Variants in DNAH7 observed in about 807,000 individuals in gnomAD.
DNAH7 encodes the protein axonemal beta dynein heavy chain 7.
Under a neutral mutation model 444.6 loss-of-function variants are expected in DNAH7, and 397 were observed. That is an observed-to-expected ratio of 0.89 (90% CI 0.82 to 0.97). The LOEUF is 0.97. Ranked by LOEUF, DNAH7 falls within the 50% of genes least tolerant of loss-of-function variation. The pLI, the probability that DNAH7 is intolerant of heterozygous loss-of-function variation, is 0.00. For synonymous variants in DNAH7, 1,636 were observed against 1,624.4 expected (o/e 1.01, Z -0.17); for missense variants, 4,902 against 4,800.8 (o/e 1.02, Z -0.62).
At chr2:195,976,659 T>C (rs2125591659) in intron 15 of DNAH7, among the ~76,000 whole-genome samples, 1 of 151,712 alleles carries the variant, frequency 6.6e-6, no homozygotes, top group African/African-American at 2.4e-5. Flanking sequence ...CCAAGCACAG[T>C]CCCAGTGGTG....
intron 42 of DNAH7, 54 bp from the exon 43 acceptor site, chr2:195,858,858 A>G: frequency 6.9e-7 from 1 of 1,457,726 alleles, no homozygotes; most frequent in Non-Finnish European, 9.2e-7. Context: ...ATCCTACATG[A>G]AGGAAAAACT....
chr2:195,886,400 C>T (rs562898044), intron 33 of DNAH7, 128 bp from the exon 34 acceptor site: 165 of 761,038 alleles, frequency 2.2e-4, no homozygotes, highest in Admixed American at 2.9e-4. Flanking sequence ...ATACTACCTA[C>T]GAGTAGGTAC....
chr2:195,990,788 T>C (rs1259875453), intron 12 of DNAH7, among the ~76,000 whole-genome samples: 2 of 143,736 alleles, frequency 1.4e-5, no homozygotes, highest in Non-Finnish European at 3.0e-5. Context: ...TGTGTGTGTG[T>C]GTGTGTGTGT....
intron 59 of DNAH7, among the ~76,000 whole-genome samples, chr2:195,777,532 CCAAAGGACTGAGTTTAT>C (rs1695116983): frequency 6.6e-6 from 1 of 152,014 alleles, no homozygotes; most frequent in African/African-American, 2.4e-5. Context: ...GTCTTTTTAG[CCAAAGGACTGAGTTTAT>C]GATGACAGAA....
At chr2:195,976,756 AGAGAGAGAGAGAGAG>A (rs1692225636) in intron 15 of DNAH7, among the ~76,000 whole-genome samples, 1 of 136,142 alleles carries the variant, frequency 7.3e-6, no homozygotes, top group African/African-American at 2.6e-5. Context: ...ACAGAGAGAG[AGAGAGAGAGAGAGAG>A]AGAGAGAGAG....
intron 61 of DNAH7, among the ~76,000 whole-genome samples, chr2:195,771,179 A>G (rs1257346075): frequency 2.0e-5 from 3 of 151,944 alleles, no homozygotes; most frequent in Non-Finnish European, 4.4e-5. Flanking sequence ...AAATAAAATA[A>G]AATAGAATAA....
chr2:196,015,357 T>C (rs1321901284), intron 9 of DNAH7, among the ~76,000 whole-genome samples: 1 of 152,202 alleles, frequency 6.6e-6, no homozygotes, highest in Non-Finnish European at 1.5e-5. Context: ...AATTATAGTG[T>C]TCTTATCTAG....
At chr2:195,809,922 T>G in intron 51 of DNAH7, 51 bp from the exon 52 acceptor site, 3 of 1,362,638 alleles carry the variant, frequency 2.2e-6, no homozygotes, top group Non-Finnish European at 1.9e-6. Flanking sequence ...ACTTTAAAGA[T>G]AATGCTCTTA....
intron 19 of DNAH7, among the ~76,000 whole-genome samples, chr2:195,938,239 G>A (rs566607668): frequency 6.6e-6 from 1 of 151,670 alleles, no homozygotes; most frequent in Non-Finnish European, 1.5e-5. Flanking sequence ...AATAAAACAT[G>A]AATATATAAA....
intron 57 of DNAH7, among the ~76,000 whole-genome samples, chr2:195,793,055 G>C (rs1029360270): frequency 1.3e-5 from 2 of 151,952 alleles, no homozygotes; most frequent in East Asian, 3.9e-4. Context: ...TCAGCCTCTC[G>C]AGTAGCTGGG....
chr2:195,902,096 C>A (rs1686746374), intron 27 of DNAH7: 1 of 152,072 alleles, frequency 6.6e-6, no homozygotes, highest in Non-Finnish European at 1.5e-5. Flanking sequence ...TTCATAAGTA[C>A]ATTCTGGGAA....
At chr2:195,915,454 T>C (rs973801973) in intron 24 of DNAH7, among the ~76,000 whole-genome samples, 2 of 152,170 alleles carry the variant, frequency 1.3e-5, no homozygotes, top group Admixed American at 6.5e-5. Flanking sequence ...ACAGATTATA[T>C]TGCACCTCAT....
chr2:196,010,780 T>C (rs1345586517), intron 10 of DNAH7, among the ~76,000 whole-genome samples: 2 of 152,152 alleles, frequency 1.3e-5, no homozygotes, highest in Admixed American at 6.6e-5. Context: ...ATATAGTATA[T>C]AAAATGTAGT....
intron 9 of DNAH7, among the ~76,000 whole-genome samples, chr2:196,018,723 TAGAC>T (rs1321162918): frequency 2.0e-5 from 3 of 152,096 alleles, no homozygotes; most frequent in Non-Finnish European, 4.4e-5. Flanking sequence ...AATATATAGT[TAGAC>T]AGAATGAATG....
intron 24 of DNAH7, among the ~76,000 whole-genome samples, chr2:195,912,671 G>A (rs978993129): frequency 6.6e-6 from 1 of 152,198 alleles, no homozygotes; most frequent in Non-Finnish European, 1.5e-5. Context: ...GGAAGATCTG[G>A]CACATCTGGG....
At chr2:195,907,707 C>T (rs1272238269) in intron 25 of DNAH7, among the ~76,000 whole-genome samples, 1 of 152,092 alleles carries the variant, frequency 6.6e-6, no homozygotes, top group East Asian at 1.9e-4. Flanking sequence ...TATGCAAGGA[C>T]ACTAAGGCTA....
Position 195,936,076 on chromosome 2 carries a change from A to G in DNAH7, c.3272+523T>C, listed in dbSNP as rs77203374. Among the ~76,000 whole-genome samples the G allele has an allele frequency of 0.019, 2,928 of 152,258 alleles. 240 individuals are homozygous for G. In the East Asian group the frequency reaches 0.26, roughly 14 times the overall value. ...TGTTCTGAAAAATCTGTAAGATGTG[A>G]TAAGTTAAGAAATCTGGCCAGGCAC... On this transcript the variant is annotated intron_variant, in intron 20 of 64. Transcript: ENST00000312428.
chr2:195,845,876 G>A (rs1000478053), intron 46 of DNAH7, among the ~76,000 whole-genome samples: 8 of 152,198 alleles, frequency 5.3e-5, no homozygotes, highest in East Asian at 1.9e-4. Context: ...AATTAAAGAC[G>A]TAAATGTAAA....
In DNAH7 at chr2:195,858,552, A is replaced by G. The variant is rs762465916; in HGVS notation, c.7989T>C (p.Asp2663=). The stretch of plus-strand genomic sequence containing the variant: ...CACCTGCCAGGTCAGCATCGCACTC[A>G]TCTTTGATGGCTTTGGAAGCCATAG... ...EQAMASKAIK[D]ECDADLAGAL... The change falls in exon 43 of 65, where the codon GAT becomes GAC. Residue 2663 remains aspartate, a synonymous_variant. Transcript: ENST00000312428. 61 of 1,613,800 alleles carry G rather than the reference A, an allele frequency of 3.8e-5. No individual in the cohort carries two copies. The highest frequency in any genetic ancestry group is 5.0e-5 in the Admixed American group (3 of 59,910).
Sources: allele counts gnomAD v4.1 joint callset (sites outside exome capture counted in the v4.1 genomes callset), GRCh38; gene constraint gnomAD v4.1.1; transcripts MANE v1.5; gene names NCBI Gene and HGNC (gene_info 2026-07-23, HGNC 2026-07-21).